Variants in PTPN2 observed in about 807,000 individuals in gnomAD.
The protein encoded by PTPN2 is protein tyrosine phosphatase non-receptor type 2.
A neutral mutation model predicts 57.3 loss-of-function variants in PTPN2; 19 were observed. That is an observed-to-expected ratio of 0.33 (90% confidence interval 0.23 to 0.49). The LOEUF (loss-of-function observed/expected upper bound fraction) is 0.49, where lower values mean the gene tolerates loss of function less well. PTPN2 is among the 20% of genes least tolerant of loss of function. The pLI is 0.99. For missense variants in PTPN2, 358 were observed against 501.1 expected, an observed-to-expected ratio of 0.71 and a Z score of 2.73; for synonymous variants, 153 against 164.9, an observed-to-expected ratio of 0.93 and a Z score of 0.55.
intron 1 of PTPN2, among the ~76,000 whole-genome samples, chr18:12,875,509 T>C (rs1172572310): frequency 7.1e-5 from 10 of 140,770 alleles, no homozygotes; most frequent in Admixed American, 4.0e-4. Flanking sequence ...AAAGTAAGGG[T>C]GGTATTATTA....
intron 5 of PTPN2, among the ~76,000 whole-genome samples, chr18:12,822,115 G>A (rs1266575419): frequency 6.6e-6 from 1 of 152,132 alleles, no homozygotes; most frequent in East Asian, 1.9e-4. Flanking sequence ...ATAGATACAT[G>A]TTAGGAGAGA....
Position 12,859,145 on chromosome 18 carries a change from C to T in PTPN2, c.160+19G>A. 1 of 1,599,376 alleles carries T rather than the reference C, an allele frequency of 6.3e-7. No homozygotes were observed. The highest frequency in any genetic ancestry group is 8.6e-7 in the Non-Finnish European group (1 of 1,168,162). On this transcript the variant is annotated intron_variant, in intron 2 of 8. Transcript: ENST00000309660. ...ACAAACCAAAAAATACACATGCACA[C>T]AAACCCACAAGTACTTACATGGGCT...
At chr18:12,838,691 A>T (rs574896616) in intron 2 of PTPN2, among the ~76,000 whole-genome samples, 14 of 151,946 alleles carry the variant, frequency 9.2e-5, no homozygotes, top group South Asian at 6.2e-4. Context: ...TCTCAGGAAA[A>T]TTTTTTTTTA....
chr18:12,883,321 T>A (rs1019747248), intron 1 of PTPN2, among the ~76,000 whole-genome samples: 8 of 152,204 alleles, frequency 5.3e-5, no homozygotes, highest in African/African-American at 1.9e-4. Context: ...AAAGCCTCTT[T>A]CGTTCCGGGA....
chr18:12,830,839 T>TA, intron 4 of PTPN2, 104 bp downstream of exon 4: 1 of 861,850 alleles, frequency 1.2e-6, no homozygotes. Flanking sequence ...CTTTAGCAAT[T>TA]AAAGGCCAAA....
rs752113628 is a variant in PTPN2, at chr18:12,836,823, C to G, written c.229G>C (p.Glu77Gln). The stretch of plus-strand genomic sequence containing the variant: ...AAGATGTAACTCCTTTGTGCCTCTT[C>G]TATGTCAACTAAACTGGCATTAATA... ...DYINASLVDIEEAQRSYILTQ... is the reference protein window; with the variant it reads ...DYINASLVDIQEAQRSYILTQ... The change falls in exon 3 of 9, where the codon GAA (glutamate) becomes CAA (glutamine). Residue 77 changes from glutamate to glutamine, a missense_variant. Glu to Gln is a conservative substitution (Grantham distance 29, BLOSUM62 2). Coordinates refer to ENST00000309660, the MANE Select transcript of PTPN2 (RefSeq NM_002828.4). The G allele has an allele frequency of 1.1e-5, 18 of 1,609,732 alleles. No individual in the cohort carries two copies. The South Asian group carries it at 1.7e-4, about 15-fold the overall frequency.
chr18:12,841,120 T>C (rs952918135), intron 2 of PTPN2: 19 of 450,460 alleles, frequency 4.2e-5, no homozygotes, highest in African/African-American at 4.1e-4. Context: ...TAAAATATTG[T>C]GGGAAGGAGC....
chr18:12,854,231 G>A (rs1341106409), intron 2 of PTPN2, among the ~76,000 whole-genome samples: 3 of 151,862 alleles, frequency 2.0e-5, no homozygotes, highest in Non-Finnish European at 4.4e-5. Context: ...ATGGTGGCAT[G>A]CACCTGTAGT....
At chr18:12,856,182 G>C (rs533611457) in intron 2 of PTPN2, among the ~76,000 whole-genome samples, 12 of 152,358 alleles carry the variant, frequency 7.9e-5, no homozygotes, top group African/African-American at 2.9e-4. Flanking sequence ...GTGGGAAGGA[G>C]AGGGTAAGGA....
chr18:12,878,260 T>C (rs975000102), intron 1 of PTPN2, among the ~76,000 whole-genome samples: 3 of 147,522 alleles, frequency 2.0e-5, no homozygotes, highest in Admixed American at 6.8e-5. Flanking sequence ...GAGACTGCAG[T>C]GAGCTGAGAT....
chr18:12,851,082 T>C (rs983420714), intron 2 of PTPN2, among the ~76,000 whole-genome samples: 4 of 152,208 alleles, frequency 2.6e-5, no homozygotes, highest in African/African-American at 9.6e-5. Context: ...GCCTAGTCAA[T>C]GGTCCATTTT....
Position 12,816,540 on chromosome 18 carries a change from T to A in PTPN2, c.705+616A>T, listed in dbSNP as rs563474131. Among the ~76,000 whole-genome samples, 4 of 152,102 alleles carry A rather than the reference T, an allele frequency of 2.6e-5. No individual in the cohort carries two copies. The East Asian group carries it at 5.8e-4, about 22-fold the overall frequency. On this transcript the variant is annotated intron_variant, in intron 6 of 8. Transcript: ENST00000309660. The stretch of plus-strand genomic sequence containing the variant: ...TAAGGGCAAACAGAAGTTTCATGTA[T>A]CCCAAGTAACGAAAAAATAAAGGTC...
intron 1 of PTPN2, among the ~76,000 whole-genome samples, chr18:12,881,510 A>T (rs536197741): frequency 3.9e-5 from 6 of 152,254 alleles, no homozygotes; most frequent in Admixed American, 3.3e-4. Flanking sequence ...TAAACAGCTC[A>T]AATTCCTTAG....
rs535194708 is a variant in PTPN2 at position 12,808,515 on chromosome 18, T to C, written c.858+5688A>G. 2.0e-5 allele frequency among the ~76,000 whole-genome samples: 3 copies of C among 152,312 alleles called. No individual in the cohort carries two copies. In the East Asian group the frequency reaches 5.8e-4, roughly 29 times the overall value. On this transcript the variant is annotated intron_variant, in intron 7 of 8. Transcript: ENST00000309660. ...AACAAAGGCCGGGGCATGCGGTGGCTCACGCCTGTAATCCCAACACTTTGG... is the reference window on the plus strand; with the variant it reads ...AACAAAGGCCGGGGCATGCGGTGGCCCACGCCTGTAATCCCAACACTTTGG...
chr18:12,848,944 G>C (rs2043302177), intron 2 of PTPN2, among the ~76,000 whole-genome samples: 1 of 152,130 alleles, frequency 6.6e-6, no homozygotes, highest in African/African-American at 2.4e-5. Flanking sequence ...CAATCCTTAT[G>C]GCTTTTATTT....
chr18:12,808,408 G>C (rs2041768577), intron 7 of PTPN2, among the ~76,000 whole-genome samples: 1 of 152,186 alleles, frequency 6.6e-6, no homozygotes, highest in African/African-American at 2.4e-5. Context: ...AGACGTGCTA[G>C]TCTAATTTGG....
At chr18:12,802,402 T>C (rs2041464954) in intron 7 of PTPN2, among the ~76,000 whole-genome samples, 1 of 152,194 alleles carries the variant, frequency 6.6e-6, no homozygotes, top group African/African-American at 2.4e-5. Flanking sequence ...ATAATAATCT[T>C]AATAAAATCT....
At chr18:12,869,870 ACT>A (rs2044127333) in intron 1 of PTPN2, among the ~76,000 whole-genome samples, 1 of 152,086 alleles carries the variant, frequency 6.6e-6, no homozygotes, top group African/African-American at 2.4e-5. Context: ...TTGTGCATAT[ACT>A]CTCTACAAAG....
chr18:12,877,966 C>T (rs2044546545), intron 1 of PTPN2, among the ~76,000 whole-genome samples: 1 of 151,936 alleles, frequency 6.6e-6, no homozygotes, highest in Non-Finnish European at 1.5e-5. Context: ...GGAGGCAGAG[C>T]TTGCAGCGAG....
Sources: allele counts gnomAD v4.1 joint callset (sites outside exome capture counted in the v4.1 genomes callset), GRCh38; gene constraint gnomAD v4.1.1; transcripts MANE v1.5; gene names NCBI Gene and HGNC (gene_info 2026-07-23, HGNC 2026-07-21).